Variants in DCP1B observed in about 807,000 individuals in gnomAD.
DCP1B encodes the protein decapping mRNA 1B, also known as mRNA-decapping enzyme 1B.
A neutral mutation model predicts 60.5 loss-of-function variants in DCP1B; 47 were observed. That is an observed-to-expected ratio of 0.78 (90% confidence interval 0.61 to 0.99). The LOEUF is 0.99. Among genes scored for constraint, DCP1B ranks in the 50% least tolerant of loss-of-function variants. DCP1B has a pLI of 0.00. For synonymous variants in DCP1B, 267 were observed against 280.3 expected (o/e 0.95, Z 0.47); for missense variants, 725 against 756.8 (o/e 0.96, Z 0.49).
intron 1 of DCP1B, among the ~76,000 whole-genome samples, chr12:2,003,119 G>A (rs1414600430): frequency 1.3e-5 from 2 of 152,068 alleles, no homozygotes; most frequent in Non-Finnish European, 2.9e-5. Context: ...AGAACTTTGG[G>A]CAAAACTGTT....
intron 3 of DCP1B, among the ~76,000 whole-genome samples, chr12:1,983,904 G>A (rs547080158): frequency 6.6e-6 from 1 of 151,646 alleles, no homozygotes; most frequent in Admixed American, 6.6e-5. Context: ...ACACTTTGAA[G>A]CTCTGTATTT....
chr12:1,994,447 G>A (rs1244419649), intron 2 of DCP1B, among the ~76,000 whole-genome samples: 1 of 152,212 alleles, frequency 6.6e-6, no homozygotes, highest in Non-Finnish European at 1.5e-5. Context: ...TTTTAAAATT[G>A]ATGGGAGGCA....
At chr12:1,961,375 A>G (rs1413569277) in intron 5 of DCP1B, 1 of 152,238 alleles carries the variant, frequency 6.6e-6, no homozygotes, top group Non-Finnish European at 1.5e-5. Flanking sequence ...GTGTCCTGGC[A>G]CACTGTATCA....
chr12:1,944,621 A>G (rs2154456117), downstream of DCP1B, among the ~76,000 whole-genome samples: 1 of 152,350 alleles, frequency 6.6e-6, no homozygotes, highest in South Asian at 2.1e-4. Flanking sequence ...GCCCTCAGAA[A>G]TAATGCCACA....
At chr12:1,951,775 G>C (rs1465776199) in intron 7 of DCP1B, among the ~76,000 whole-genome samples, 1 of 152,220 alleles carries the variant, frequency 6.6e-6, no homozygotes, top group Admixed American at 6.5e-5. Context: ...CTGACATGTA[G>C]TAAGTGCTCA....
At chr12:1,975,957 C>T (rs1293645251) in intron 3 of DCP1B, among the ~76,000 whole-genome samples, 1 of 152,134 alleles carries the variant, frequency 6.6e-6, no homozygotes, top group East Asian at 1.9e-4. Flanking sequence ...TGTGTATCTG[C>T]TTATGTGTGT....
chr12:1,948,805 A>G lies in DCP1B; in HGVS notation c.1773+281T>C, dbSNP rs551260314. 6.6e-6 allele frequency among the ~76,000 whole-genome samples: 1 copy of G among 152,306 alleles called. No individual in the cohort carries two copies. Among genetic ancestry groups the G allele is most frequent in the South Asian group, 2.1e-4 (1 of 4,832 alleles). On this transcript the variant is annotated intron_variant, in intron 8 of 8. Coordinates refer to ENST00000280665, the MANE Select transcript of DCP1B (RefSeq NM_152640.5). This position sits in a 1 kb window ranked among gnomAD's most constrained non-coding sequence, Gnocchi z 4.8. ...TCTCAGGGACTGCTTAATCCCCAGC[A>G]TATGCTTCCTTCTCTTCTGACAGGT...
chr12:1,959,324 C>A (rs112312561), intron 5 of DCP1B, among the ~76,000 whole-genome samples: 4,150 of 152,264 alleles, frequency 0.027, 94 homozygotes, highest in Middle Eastern at 0.048. Context: ...GATACCTGCA[C>A]AACATACATA....
chr12:1,977,260 T>C (rs1309677733), intron 3 of DCP1B, among the ~76,000 whole-genome samples: 2 of 152,292 alleles, frequency 1.3e-5, no homozygotes, highest in East Asian at 3.9e-4. Flanking sequence ...TCTGTTAGCA[T>C]GCTCGGCCAT....
At position 2,004,374 on chromosome 12, in the gene DCP1B, C is replaced by T. The variant is rs769127917; in HGVS notation, c.58G>A (p.Ala20Thr). Residue 20 changes from alanine to threonine, a missense_variant, in exon 1 of 9, where the codon GCC becomes ACC. Physicochemically the swap from Ala to Thr is moderately conservative, Grantham distance 58. Coordinates refer to ENST00000280665, the MANE Select transcript of DCP1B (RefSeq NM_152640.5). ...VGKGRDISLAALQRHDPYINR... is the reference protein window; with the variant it reads ...VGKGRDISLATLQRHDPYINR... ...ATATAGGGGTCGTGGCGCTGCAGGGCCGCTAGGCTGATGTCGCGCCCCTTT... is the reference window on the plus strand; with the variant it reads ...ATATAGGGGTCGTGGCGCTGCAGGGTCGCTAGGCTGATGTCGCGCCCCTTT... The T allele has an allele frequency of 2.5e-6, 4 of 1,612,802 alleles. No homozygotes were observed. The South Asian group carries it at 4.4e-5, about 18-fold the overall frequency.
chr12:1,968,006 T>C (rs2031413627), intron 3 of DCP1B, 96 bp from the exon 4 acceptor site: 1 of 951,436 alleles, frequency 1.1e-6, no homozygotes, highest in African/African-American at 1.7e-5. Flanking sequence ...ATAATCTATG[T>C]GTTAAATTGA....
intron 3 of DCP1B, among the ~76,000 whole-genome samples, chr12:1,990,448 C>T (rs1453026516): frequency 6.6e-6 from 1 of 152,174 alleles, no homozygotes. Context: ...CTCTATTTAT[C>T]AAGCATCTTT....
At chr12:1,966,109 A>T (rs569205941) in intron 4 of DCP1B, 1 of 156,018 alleles carries the variant, frequency 6.4e-6, no homozygotes, top group Non-Finnish European at 1.4e-5. Context: ...GAGTTTGCCA[A>T]CTCCTCACAC....
At chr12:1,984,079 A>G (rs1046869628) in intron 3 of DCP1B, among the ~76,000 whole-genome samples, 1 of 152,002 alleles carries the variant, frequency 6.6e-6, no homozygotes, top group African/African-American at 2.4e-5. Context: ...TTTGCATGGT[A>G]TATCTTTCTT....
rs187936718 is a variant in DCP1B, at chr12:1,955,324, T to C, written c.651+108A>G. 2.0e-4 allele frequency: 266 copies of C among 1,300,036 alleles called. 1 individual carries two copies. In the African/African-American group the frequency reaches 3.4e-3, roughly 16 times the overall value. 80.5% of individuals were successfully genotyped at this position (1,300,036 alleles called of 1,614,324 possible). On this transcript the variant is annotated intron_variant, in intron 6 of 8. Transcript: ENST00000280665. Reference sequence around the variant, plus strand: ...GAAATCCCGCTTTCTTGGGTTTACCTGAAAGCATTCTTCAACAACACCAGG... The same window carrying C: ...GAAATCCCGCTTTCTTGGGTTTACCCGAAAGCATTCTTCAACAACACCAGG...
At chr12:1,965,070 G>T (rs1428112320) in intron 5 of DCP1B, among the ~76,000 whole-genome samples, 1 of 152,062 alleles carries the variant, frequency 6.6e-6, no homozygotes, top group Non-Finnish European at 1.5e-5. Context: ...TAAATGTAGA[G>T]ATTTTTTTTC....
intron 8 of DCP1B, among the ~76,000 whole-genome samples, chr12:1,947,709 A>G (rs768866540): frequency 4.6e-5 from 7 of 152,202 alleles, no homozygotes. Flanking sequence ...AAGGTGGCAA[A>G]TATTTTTATC....
intron 4 of DCP1B, chr12:1,966,079 C>T (rs1393946708): frequency 6.2e-6 from 1 of 162,340 alleles, no homozygotes; most frequent in Non-Finnish European, 1.3e-5. Context: ...AAAATACTCA[C>T]TCTCTGGTCC....
At chr12:2,003,829 G>C (rs1470353958) in intron 1 of DCP1B, among the ~76,000 whole-genome samples, 1 of 152,028 alleles carries the variant, frequency 6.6e-6, no homozygotes, top group Non-Finnish European at 1.5e-5. Flanking sequence ...ATCAAGTTTT[G>C]ATTTCTCTTT....
Sources: allele counts gnomAD v4.1 joint callset (sites outside exome capture counted in the v4.1 genomes callset), GRCh38; gene constraint gnomAD v4.1.1; non-coding constraint Gnocchi (gnomAD v3.1); transcripts MANE v1.5; gene names NCBI Gene and HGNC (gene_info 2026-07-23, HGNC 2026-07-21).